Variants in CLDN2 observed in about 807,000 individuals in gnomAD.
The protein encoded by CLDN2 is claudin-2.
A neutral mutation model predicts 8.2 loss-of-function variants in CLDN2; 1 was observed. That is an observed-to-expected ratio of 0.12 (90% CI 0.04 to 0.58). CLDN2 has a LOEUF of 0.58. CLDN2 is among the 20% of genes least tolerant of loss of function. CLDN2 has a pLI of 0.90. For synonymous variants in CLDN2, 70 were observed against 70.2 expected (o/e 1.00, Z 0.01); for missense variants, 108 against 172.9 (o/e 0.62, Z 2.11).
chrX:106,903,183 T>G (rs1486091671), intron 1 of CLDN2: 1 of 1,211,010 alleles, frequency 8.3e-7, no homozygotes, highest in Admixed American at 2.2e-5. Flanking sequence ...AAGATGGGCT[T>G]AACAGGCCAG....
At chrX:106,901,016 A>G (rs1933084554) in intron 1 of CLDN2, 1 of 1,083,905 alleles carries the variant, frequency 9.2e-7, no homozygotes, top group Non-Finnish European at 1.2e-6. Context: ...GGCTGCAACA[A>G]TGAGGTCAGA....
intron 1 of CLDN2, among the ~76,000 whole-genome samples, chrX:106,925,682 G>A (rs1163173216): frequency 8.9e-6 from 1 of 112,435 alleles, no homozygotes; most frequent in Non-Finnish European, 1.9e-5. Flanking sequence ...AGAAAGACAA[G>A]TTAGAAAGCT....
intron 1 of CLDN2, chrX:106,903,200 C>T: frequency 8.3e-7 from 1 of 1,210,866 alleles, no homozygotes; most frequent in Non-Finnish European, 1.1e-6. Context: ...CCAGGGAGTG[C>T]CAGTGGGGCT....
At chrX:106,915,929 A>G (rs1933304529), upstream of CLDN2, among the ~76,000 whole-genome samples, 1 of 110,827 alleles carries the variant, frequency 9.0e-6, no homozygotes, top group Non-Finnish European at 1.9e-5. Flanking sequence ...TCAATGGTGC[A>G]CCTACTATGT....
At position 106,920,512 on chromosome X, in the gene CLDN2, G is replaced by A. The variant is rs1306952001; in HGVS notation, c.-218G>A. On this transcript the variant is annotated 5_prime_UTR_variant, in exon 1 of 2. Transcript: ENST00000336803. ...CTCAGGATCCCTTTCTCCCTCTCCA[G>A]GGGCATCTCCCCCTCCAAGGCTCTG... 8.1e-5 allele frequency: 9 copies of A among 110,482 alleles called. No homozygotes were observed. Among genetic ancestry groups the A allele is most frequent in the African/African-American group, 2.3e-4 (7 of 30,272 alleles). 9.1% of individuals were successfully genotyped at this position (110,482 alleles called of 1,213,427 possible).
rs1339788803 is a variant in CLDN2, at chrX:106,928,241, G to C, written c.13G>C (p.Gly5Arg). 8.3e-7 allele frequency: 1 copy of C among 1,207,983 alleles called. No homozygotes were observed. Among genetic ancestry groups the C allele is most frequent in the Non-Finnish European group, 1.1e-6 (1 of 893,726 alleles). The change falls in exon 2 of 2, where the codon GGC (glycine) becomes CGC (arginine). Residue 5 changes from glycine to arginine, a missense_variant. Around this residue, in one of 2 missense-constraint regions of CLDN2, gnomAD observed 27 missense variants for 72.2 expected, o/e 0.37. Transcript: ENST00000336803. MASLGLQLVGYILGL... is the reference protein window; with the variant it reads MASLRLQLVGYILGL... ...TGAGAGGTCTGCCATGGCCTCTCTT[G>C]GCCTCCAACTTGTGGGCTACATCCT...
intron 1 of CLDN2, among the ~76,000 whole-genome samples, chrX:106,911,023 G>T (rs1933241501): frequency 8.9e-6 from 1 of 112,139 alleles, no homozygotes; most frequent in South Asian, 3.8e-4. Flanking sequence ...TGACTATTAT[G>T]ATTGTTCCTT....
intron 1 of CLDN2, chrX:106,902,060 G>T: frequency 2.4e-6 from 2 of 840,245 alleles, no homozygotes; most frequent in Admixed American, 2.7e-5. Context: ...ACTGAGGTCA[G>T]GGGCTCTCTG....
intron 1 of CLDN2, among the ~76,000 whole-genome samples, chrX:106,909,656 C>T (rs1301477402): frequency 8.9e-6 from 1 of 112,129 alleles, no homozygotes; most frequent in African/African-American, 3.2e-5. Flanking sequence ...CTCTCCCCAA[C>T]CCAGGCCTGC....
chrX:106,911,558 C>G (rs1462460955), intron 1 of CLDN2, among the ~76,000 whole-genome samples: 1 of 111,754 alleles, frequency 8.9e-6, no homozygotes, highest in East Asian at 2.8e-4. Flanking sequence ...TCCAGGTCCT[C>G]CTTGAATCCA....
At chrX:106,902,904 C>T (rs1933125095) in intron 1 of CLDN2, among the ~76,000 whole-genome samples, 1 of 112,478 alleles carries the variant, frequency 8.9e-6, no homozygotes, top group Non-Finnish European at 1.9e-5. Context: ...GGCTGCTTCA[C>T]CTTCAGCTTT....
Position 106,928,931 on chromosome X carries a change from G to C in CLDN2, c.*10G>C, listed in dbSNP as rs1183247319. ...GACAGGGTATGTGTGAAGAACCAGG[G>C]GCCAGAGCTGGGGGGTGGCTGGGTC... On this transcript the variant is annotated 3_prime_UTR_variant, in exon 2 of 2. Coordinates refer to ENST00000336803, the MANE Select transcript of CLDN2 (RefSeq NM_020384.4). 1 of 1,196,905 alleles carries C rather than the reference G, an allele frequency of 8.4e-7. No homozygotes were observed. Among genetic ancestry groups the C allele is most frequent in the Admixed American group, 2.2e-5 (1 of 45,669 alleles).
intron 1 of CLDN2, among the ~76,000 whole-genome samples, chrX:106,921,858 G>C (rs1357742699): frequency 8.9e-6 from 1 of 112,273 alleles, no homozygotes; most frequent in East Asian, 2.8e-4. Context: ...ACAAGGCCTA[G>C]AGTCCTCTGT....
chrX:106,908,001 G>A (rs1229986929), intron 1 of CLDN2, among the ~76,000 whole-genome samples: 1 of 111,292 alleles, frequency 9.0e-6, no homozygotes, highest in South Asian at 3.8e-4. Context: ...TTTTCTTGCC[G>A]GACAAATCTC....
At chrX:106,926,995 A>G (rs1327886219) in intron 1 of CLDN2, among the ~76,000 whole-genome samples, 1 of 109,817 alleles carries the variant, frequency 9.1e-6, no homozygotes. Context: ...AGGCAGGAGG[A>G]TCACTTGAGC....
chrX:106,922,084 G>A (rs1933400668), intron 1 of CLDN2, among the ~76,000 whole-genome samples: 1 of 112,131 alleles, frequency 8.9e-6, no homozygotes, highest in Non-Finnish European at 1.9e-5. Flanking sequence ...AGGCAGAACT[G>A]ACACAACAAG....
chrX:106,921,976 A>C (rs1213086905), intron 1 of CLDN2, among the ~76,000 whole-genome samples: 5 of 112,404 alleles, frequency 4.4e-5, no homozygotes, highest in African/African-American at 1.6e-4. Context: ...ATATTTGTCA[A>C]AGTGGCTTCC....
At chrX:106,910,192 T>C (rs1285686635) in intron 1 of CLDN2, among the ~76,000 whole-genome samples, 1 of 111,176 alleles carries the variant, frequency 9.0e-6, no homozygotes, top group Non-Finnish European at 1.9e-5. Context: ...GGTGTCCTGA[T>C]GATCCTGGCT....
chrX:106,900,661 G>A, intron 1 of CLDN2: 3 of 1,125,234 alleles, frequency 2.7e-6, no homozygotes, highest in African/African-American at 1.8e-5. Flanking sequence ...GGATAGGTTA[G>A]GGGTGAGGAA....
Sources: gnomAD v4.1 joint callset for allele counts (sites outside exome capture counted in the v4.1 genomes callset) on GRCh38, gnomAD v4.1.1 for gene constraint, gnomAD v4.1.1 regional missense constraint, MANE v1.5 for transcripts, NCBI Gene and HGNC (gene_info 2026-07-23, HGNC 2026-07-21) for gene names.